CERT1: variants seen among roughly 807,000 people sequenced by gnomAD.
The protein encoded by CERT1 is ceramide transporter 1, also known as ceramide transfer protein.
In CERT1, 31 loss-of-function variants were observed where a neutral mutation model predicts 87.9. The ratio of observed to expected loss-of-function variants is 0.35; its 90% confidence interval spans 0.27 to 0.48. The LOEUF is 0.48. Among genes scored for constraint, CERT1 ranks in the 20% least tolerant of loss-of-function variants. The pLI, the probability that CERT1 is intolerant of heterozygous loss-of-function variation, is 0.99. For synonymous variants in CERT1, 289 were observed against 250.9 expected, an observed-to-expected ratio of 1.15 and a Z score of -1.44; for missense variants, 487 against 758.0, an observed-to-expected ratio of 0.64 and a Z score of 4.20.
chr5:75,511,606 A>T lies in CERT1; in HGVS notation c.-399T>A, dbSNP rs1768010903. ...CACTCACACCTCCGCTACCGCCGCC[A>T]TCTTCCTGCCTGGCCCACTATTTAC... is the stretch of plus-strand genomic sequence containing the variant. On this transcript the variant is annotated 5_prime_UTR_variant, in exon 1 of 17. It removes an upstream start codon present in the reference 5' UTR. Coordinates refer to ENST00000643780, the MANE Select transcript of CERT1 (RefSeq NM_001379029.1). 6.8e-7 allele frequency: 1 copy of T among 1,467,722 alleles called. No homozygotes were observed. The highest frequency in any genetic ancestry group is 1.4e-5 in the African/African-American group (1 of 70,816). The allele number at this position is 1,467,722 out of a possible 1,614,324, so 90.9% of individuals were successfully genotyped here.
chr5:75,432,056 C>A lies in CERT1; in HGVS notation c.349-5578G>T, dbSNP rs530790719. Among the ~76,000 whole-genome samples the A allele has an allele frequency of 1.4e-3, 212 of 150,726 alleles. 1 individual carries two copies. Among genetic ancestry groups the A allele is most frequent in the Middle Eastern group, 6.8e-3 (2 of 292 alleles). ...CAGCAGTGTATAAACATTCCCCCCC[C>A]CTTTTTTTTTTTTGAGATGAAGACT... On this transcript the variant is annotated intron_variant, in intron 3 of 16. Transcript: ENST00000643780.
At chr5:75,442,201 C>A (rs1194767069) in intron 3 of CERT1, among the ~76,000 whole-genome samples, 1 of 152,214 alleles carries the variant, frequency 6.6e-6, no homozygotes, top group Non-Finnish European at 1.5e-5. Flanking sequence ...TTTATTTCTT[C>A]ATACAACTTA....
chr5:75,412,520 A>G (rs958819327), intron 7 of CERT1, among the ~76,000 whole-genome samples: 2 of 152,252 alleles, frequency 1.3e-5, no homozygotes, highest in Non-Finnish European at 2.9e-5. Flanking sequence ...ATGGGGATAC[A>G]GTCTGAGAAA....
intron 2 of CERT1, among the ~76,000 whole-genome samples, chr5:75,459,852 ACT>A (rs894452362): frequency 7.9e-5 from 12 of 151,026 alleles, no homozygotes. Context: ...AATCCCAGCT[ACT>A]TGGGAGGCTG....
At chr5:75,433,705 G>C (rs75158741) in intron 3 of CERT1, among the ~76,000 whole-genome samples, 21 of 152,152 alleles carry the variant, frequency 1.4e-4, no homozygotes, top group Admixed American at 1.2e-3. Context: ...ATTTGTTGTA[G>C]AGATGGGGTC....
At chr5:75,436,820 G>C (rs1421580561) in intron 3 of CERT1, among the ~76,000 whole-genome samples, 1 of 152,118 alleles carries the variant, frequency 6.6e-6, no homozygotes, top group East Asian at 1.9e-4. Flanking sequence ...ACCCAGGCTG[G>C]AGTGCAGTGG....
At chr5:75,458,078 C>G (rs879670388) in intron 3 of CERT1, among the ~76,000 whole-genome samples, 1 of 151,862 alleles carries the variant, frequency 6.6e-6, no homozygotes, top group Non-Finnish European at 1.5e-5. Context: ...TAGGCAAGTA[C>G]GTAAACAAGC....
intron 2 of CERT1, among the ~76,000 whole-genome samples, chr5:75,473,727 C>T (rs1436746240): frequency 2.0e-5 from 3 of 152,032 alleles, no homozygotes; most frequent in African/African-American, 4.8e-5. Flanking sequence ...AGTGGATGCT[C>T]AGTATTCTCA....
chr5:75,511,144 G>A lies in CERT1; in HGVS notation c.64C>T (p.Pro22Ser), dbSNP rs559860588. ...AGGACCCCGCAGCGCTCCACAGGCG[G>A]CCCAGACTCCGTCTCTGGATCCTCC... Reference protein sequence around the residue: ...SEEDPETESGPPVERCGVLSK... With the variant: ...SEEDPETESGSPVERCGVLSK... The change falls in exon 1 of 17, where the codon CCG becomes TCG. Residue 22 changes from proline (P) to serine (S), a missense_variant. This residue lies in a region of CERT1 where 173 missense variants were observed against 302.2 expected (regional missense o/e 0.57). Coordinates refer to ENST00000643780, the MANE Select transcript of CERT1 (RefSeq NM_001379029.1). 9.3e-6 allele frequency: 15 copies of A among 1,607,956 alleles called. No homozygotes were observed. The Admixed American group carries it at 2.4e-4, about 25-fold the overall frequency.
intron 2 of CERT1, among the ~76,000 whole-genome samples, chr5:75,485,739 C>G (rs1182646632): frequency 6.6e-6 from 1 of 151,922 alleles, no homozygotes; most frequent in East Asian, 1.9e-4. Flanking sequence ...CAACTATATG[C>G]CAAGAATTGG....
At chr5:75,400,509 T>C (rs1762425617) in intron 9 of CERT1, 1 of 485,002 alleles carries the variant, frequency 2.1e-6, no homozygotes, top group Admixed American at 3.5e-5. Flanking sequence ...ACTCCACAGA[T>C]ACTATGTTAG....
intron 5 of CERT1, among the ~76,000 whole-genome samples, chr5:75,420,650 A>C (rs2112164630): frequency 1.3e-5 from 2 of 152,212 alleles, no homozygotes; most frequent in South Asian, 4.1e-4. Context: ...TTCCAGACAA[A>C]AACAGAATCT....
chr5:75,438,921 CT>C lies in CERT1; in HGVS notation c.349-12444del, dbSNP rs983884324. Among the ~76,000 whole-genome samples, 44 of 143,074 alleles carry C rather than the reference CT, an allele frequency of 3.1e-4. 1 individual carries two copies. The highest frequency in any genetic ancestry group is 6.3e-4 in the East Asian group (3 of 4,730). The allele number at this position is 143,074 out of a possible 152,430, so 93.9% of individuals were successfully genotyped here. A position where few individuals can be genotyped will look rare whatever the true frequency, so the allele number is the denominator to read the frequency against. On this transcript the variant is annotated intron_variant, in intron 3 of 16. Transcript: ENST00000643780. ...ATACCTTTGTTATATTAGGACATAT[CT>C]TTTTTTTTTTCTTTTAAGAGCAATA...
chr5:75,472,608 C>T (rs981700998), intron 2 of CERT1, among the ~76,000 whole-genome samples: 7 of 152,008 alleles, frequency 4.6e-5, no homozygotes, highest in South Asian at 2.1e-4. Context: ...GCACAAACAC[C>T]TGAACAAACA....
intron 3 of CERT1, among the ~76,000 whole-genome samples, chr5:75,453,619 C>A (rs1050816377): frequency 6.6e-6 from 1 of 152,002 alleles, no homozygotes; most frequent in Non-Finnish European, 1.5e-5. Flanking sequence ...CTCTCTATGC[C>A]CCAATTTCCT....
intron 3 of CERT1, among the ~76,000 whole-genome samples, chr5:75,440,487 A>G (rs910043983): frequency 6.6e-6 from 1 of 152,130 alleles, no homozygotes; most frequent in Non-Finnish European, 1.5e-5. Context: ...TTTAAAAACT[A>G]ATATCAAATA....
At chr5:75,443,928 G>A (rs1204330054) in intron 3 of CERT1, among the ~76,000 whole-genome samples, 2 of 152,088 alleles carry the variant, frequency 1.3e-5, no homozygotes, top group East Asian at 3.8e-4. Flanking sequence ...CTAACTTAAA[G>A]TCTATTTTCT....
intron 8 of CERT1, among the ~76,000 whole-genome samples, chr5:75,404,881 G>C (rs1452335893): frequency 6.6e-6 from 1 of 152,032 alleles, no homozygotes; most frequent in Admixed American, 6.6e-5. Flanking sequence ...GGTGGAGCAC[G>C]TCTATAAACC....
At chr5:75,422,341 C>A (rs1440232286) in intron 5 of CERT1, among the ~76,000 whole-genome samples, 1 of 152,114 alleles carries the variant, frequency 6.6e-6, no homozygotes, top group Non-Finnish European at 1.5e-5. Context: ...TCAGGCTGGG[C>A]GTGGTGGCTT....
Sources: gnomAD v4.1 joint callset for allele counts (sites outside exome capture counted in the v4.1 genomes callset) on GRCh38, gnomAD v4.1.1 for gene constraint, gnomAD v4.1.1 regional missense constraint, MANE v1.5 for transcripts, NCBI Gene and HGNC (gene_info 2026-07-23, HGNC 2026-07-21) for gene names.